Variants in WDR27 observed in about 807,000 individuals in gnomAD.
WDR27 encodes WD repeat domain 27.
In WDR27, 100 loss-of-function variants were observed where a neutral mutation model predicts 114.4. That is an observed-to-expected ratio of 0.87 (90% CI 0.74 to 1.03). The LOEUF (loss-of-function observed/expected upper bound fraction) is 1.03. Ranked by LOEUF, WDR27 falls within the 50% of genes least tolerant of loss-of-function variation. WDR27 has a pLI of 0.00. For synonymous variants in WDR27, 449 were observed against 423.1 expected, an observed-to-expected ratio of 1.06 and a Z score of -0.75; for missense variants, 1,129 against 1,092.9, an observed-to-expected ratio of 1.03 and a Z score of -0.47.
intron 7 of WDR27, 31 bp downstream of exon 7, chr6:169,665,455 G>A (rs747419276): frequency 1.9e-6 from 3 of 1,602,282 alleles, no homozygotes; most frequent in Non-Finnish European, 2.6e-6. Flanking sequence ...GCATGTCTGG[G>A]AACTGGAACT....
chr6:169,699,525 T>C (rs1179300617), intron 1 of WDR27, among the ~76,000 whole-genome samples: 1 of 152,068 alleles, frequency 6.6e-6, no homozygotes, highest in Non-Finnish European at 1.5e-5. Context: ...CTAAGAAGTA[T>C]CAAGCAAAGA....
intron 13 of WDR27, among the ~76,000 whole-genome samples, chr6:169,654,721 G>A (rs1018291042): frequency 6.7e-6 from 1 of 150,074 alleles, no homozygotes; most frequent in Non-Finnish European, 1.5e-5. Context: ...CACAGGAGAA[G>A]GAGGCGCGCA....
At chr6:169,470,508 A>G (rs545405174) in intron 25 of WDR27, among the ~76,000 whole-genome samples, 1 of 152,318 alleles carries the variant, frequency 6.6e-6, no homozygotes, top group South Asian at 2.1e-4. Flanking sequence ...AGAAATTATC[A>G]TTTGCAGTTC....
At chr6:169,488,538 C>T (rs745469973) in intron 25 of WDR27, among the ~76,000 whole-genome samples, 2 of 152,210 alleles carry the variant, frequency 1.3e-5, no homozygotes, top group African/African-American at 2.4e-5. Flanking sequence ...ACTCCAGTTA[C>T]GTGTCTTCAT....
At position 169,659,735 on chromosome 6, in the gene WDR27, G is replaced by A. The variant is rs1204460512; in HGVS notation, c.1130-217C>T. ...ACACACCACACACACACCAGGCCCT[G>A]AGCGTCACACATGCCAGGCTCCGCT... On this transcript the variant is annotated intron_variant, in intron 10 of 25. Transcript: ENST00000448612. The surrounding 1 kb of genome is among the most constrained non-coding windows in gnomAD (Gnocchi z 4.3). Among the ~76,000 whole-genome samples, 2 of 152,080 alleles carry A rather than the reference G, an allele frequency of 1.3e-5. No homozygotes were observed. Among genetic ancestry groups the A allele is most frequent in the African/African-American group, 4.8e-5 (2 of 41,422 alleles).
At chr6:169,496,316 T>C (rs1265814211) in intron 25 of WDR27, among the ~76,000 whole-genome samples, 1 of 152,038 alleles carries the variant, frequency 6.6e-6, no homozygotes, top group African/African-American at 2.4e-5. Flanking sequence ...AGAAAAGCCA[T>C]ATATGAAAAA....
chr6:169,500,788 G>GA (rs1791086548), intron 25 of WDR27, among the ~76,000 whole-genome samples: 1 of 152,222 alleles, frequency 6.6e-6, no homozygotes, highest in Non-Finnish European at 1.5e-5. Flanking sequence ...TACTCACTGA[G>GA]GGGCTCGGAA....
At chr6:169,669,140 G>A (rs1828688471) in intron 4 of WDR27, among the ~76,000 whole-genome samples, 1 of 152,106 alleles carries the variant, frequency 6.6e-6, no homozygotes, top group South Asian at 2.1e-4. Context: ...ATTTTATGTT[G>A]ATTAAAAAGT....
intron 25 of WDR27, among the ~76,000 whole-genome samples, chr6:169,474,505 A>C (rs1361181946): frequency 6.6e-6 from 1 of 152,236 alleles, no homozygotes; most frequent in Admixed American, 6.5e-5. Context: ...TAAACATTTA[A>C]TTCATGGGTG....
chr6:169,617,133 C>G (rs1812021616), intron 21 of WDR27, among the ~76,000 whole-genome samples: 1 of 152,158 alleles, frequency 6.6e-6, no homozygotes, highest in Non-Finnish European at 1.5e-5. Flanking sequence ...ATTAAAGACA[C>G]AGTCACAAAT....
intron 12 of WDR27, among the ~76,000 whole-genome samples, 191 bp downstream of exon 12, chr6:169,658,895 G>C (rs955687121): frequency 3.3e-5 from 5 of 152,108 alleles, no homozygotes; most frequent in Admixed American, 2.0e-4. Context: ...CACCATGTTA[G>C]CCAGGATGGT....
intron 21 of WDR27, among the ~76,000 whole-genome samples, chr6:169,631,429 G>A (rs959883122): frequency 2.7e-4 from 41 of 152,040 alleles, no homozygotes; most frequent in Non-Finnish European, 2.5e-4. Flanking sequence ...GGTGGGGTGG[G>A]GGGGTGGAAG....
At chr6:169,669,626 T>C (rs1427527401) in intron 4 of WDR27, 1 of 152,204 alleles carries the variant, frequency 6.6e-6, no homozygotes, top group Non-Finnish European at 1.5e-5. Flanking sequence ...ACAGGATGTT[T>C]ACAACAAAAC....
At chr6:169,670,495 G>A (rs1472519344) in intron 4 of WDR27, 74 bp downstream of exon 4, 49 of 1,574,250 alleles carry the variant, frequency 3.1e-5, no homozygotes, top group Non-Finnish European at 4.2e-5. Flanking sequence ...AAAGACCGCT[G>A]GGCAAGGTCC....
the WDR27 span, among the ~76,000 whole-genome samples, chr6:169,434,883 C>T: frequency 4.0e-3 from 609 of 152,362 alleles, 4 homozygotes; most frequent in African/African-American, 0.014. Flanking sequence ...AAATGTTAAT[C>T]ACCAAGACAA....
In WDR27 at chr6:169,688,865, C is replaced by G. The variant is rs773412815; in HGVS notation, c.141G>C (p.Leu47Phe). 6.2e-7 allele frequency: 1 copy of G among 1,612,880 alleles called. No homozygotes were observed. Among genetic ancestry groups the G allele is most frequent in the East Asian group, 2.2e-5 (1 of 44,820 alleles). The part of the protein sequence containing the change: ...ACSMQDCAFP[L>F]DGTELCIWNT... The stretch of plus-strand genomic sequence containing the variant: ...TCCATATACAAAGTTCAGTTCCATC[C>G]AAAGGGAAAGCACAGTCCTGCATGC... The change falls in exon 2 of 26, where the codon TTG becomes TTC. Residue 47 changes from leucine to phenylalanine, a missense_variant. By Grantham distance (22) the Leu-to-Phe change is conservative. Coordinates refer to ENST00000448612, the MANE Select transcript of WDR27 (RefSeq NM_182552.5).
At chr6:169,672,745 G>C (rs536887739) in intron 2 of WDR27, among the ~76,000 whole-genome samples, 24 of 152,284 alleles carry the variant, frequency 1.6e-4, no homozygotes, top group African/African-American at 5.8e-4. Flanking sequence ...GAGGAATGAG[G>C]GGAGCAATGA....
At chr6:169,599,611 CTTTA>C (rs1379474416) in intron 23 of WDR27, among the ~76,000 whole-genome samples, 1 of 152,138 alleles carries the variant, frequency 6.6e-6, no homozygotes, top group Non-Finnish European at 1.5e-5. Flanking sequence ...GTGATATCCC[CTTTA>C]TTGTTTTTTA....
rs200020430 is a variant in WDR27 at position 169,613,697 on chromosome 6, T to C, written c.2224-41A>G. On this transcript the variant is annotated intron_variant, in intron 21 of 25. Coordinates refer to ENST00000448612, the MANE Select transcript of WDR27 (RefSeq NM_182552.5). ...GGAAATCAAGATGTACTTTCAAAGGTTGAGTTAATAAGCGTTATGCTAATG... is the reference window on the plus strand; with the variant it reads ...GGAAATCAAGATGTACTTTCAAAGGCTGAGTTAATAAGCGTTATGCTAATG... 17 of 1,543,866 alleles carry C rather than the reference T, an allele frequency of 1.1e-5. No individual in the cohort carries two copies. In the East Asian group the frequency reaches 2.3e-4, roughly 21 times the overall value.
Sources: allele counts gnomAD v4.1 joint callset (sites outside exome capture counted in the v4.1 genomes callset), GRCh38; gene constraint gnomAD v4.1.1; non-coding constraint Gnocchi (gnomAD v3.1); transcripts MANE v1.5; gene names NCBI Gene and HGNC (gene_info 2026-07-23, HGNC 2026-07-21).